TRUB2: variants seen among roughly 807,000 people sequenced by gnomAD.
TRUB2 encodes the protein pseudouridylate synthase TRUB2, mitochondrial.
In TRUB2, 31 loss-of-function variants were observed where a neutral mutation model predicts 31.9. The observed-to-expected ratio is 0.97, with a 90% CI of 0.73 to 1.31. TRUB2 has a LOEUF of 1.31. Ranked by LOEUF, TRUB2 falls within the 50% of genes most tolerant of loss-of-function variation. TRUB2 has a pLI of 0.00. For missense variants in TRUB2, 451 were observed against 439.6 expected (o/e 1.03, Z -0.23); for synonymous variants, 201 against 182.6 (o/e 1.10, Z -0.81).
chr9:128,312,758 G>A (rs866475439), intron 5 of TRUB2, among the ~76,000 whole-genome samples: 2 of 151,904 alleles, frequency 1.3e-5, no homozygotes, highest in Admixed American at 6.6e-5. Flanking sequence ...GGGACTACAG[G>A]TGCCTGCCAC....
intron 1 of TRUB2, 70 bp from the exon 2 acceptor site, chr9:128,321,800 G>T: frequency 1.3e-6 from 2 of 1,486,760 alleles, no homozygotes; most frequent in Non-Finnish European, 9.1e-7. Flanking sequence ...TTTTTTAAGA[G>T]ACAGGGCCTC....
rs1008606925 is a variant in TRUB2, at chr9:128,307,900, TAA to T, written c.*1648_*1649del. 2.0e-5 allele frequency: 3 copies of T among 151,386 alleles called. No individual in the cohort carries two copies. The highest frequency in any genetic ancestry group is 7.3e-5 in the African/African-American group (3 of 41,132). 9.4% of individuals were successfully genotyped at this position (151,386 alleles called of 1,614,324 possible). ...CTGGGTGACAGAGCAAGACCCTGTC[TAA>T]AAAACAAAAACAGGCCGGGTGTGGT... On this transcript the variant is annotated 3_prime_UTR_variant, in exon 8 of 8. Transcript: ENST00000372890.
intron 5 of TRUB2, among the ~76,000 whole-genome samples, chr9:128,312,617 T>TA (rs199888255): frequency 0.02 from 2,819 of 140,450 alleles, 45 homozygotes; most frequent in East Asian, 0.036. Context: ...TTATTATTAT[T>TA]TTTTTTTTTT....
rs1296675734 is a variant in TRUB2 at position 128,306,331 on chromosome 9, A to G, written c.*3219T>C. ...CATGTGCCCTACGTTCAAGTTACCT[A>G]ATTTTTCCAAAGAACTGAGTTTTGC... On this transcript the variant is annotated 3_prime_UTR_variant, in exon 8 of 8. Transcript: ENST00000372890. 1.3e-5 allele frequency: 2 copies of G among 151,642 alleles called. No individual in the cohort carries two copies. The highest frequency in any genetic ancestry group is 2.9e-5 in the Non-Finnish European group (2 of 67,960). 9.4% of individuals were successfully genotyped at this position (151,642 alleles called of 1,614,324 possible). A position where few individuals can be genotyped will look rare whatever the true frequency, so the allele number is the denominator to read the frequency against.
In TRUB2 at chr9:128,313,872, G is replaced by C. The variant is rs150373170; in HGVS notation, c.396C>G (p.Gly132=). Residue 132 remains glycine (G), a synonymous_variant, in exon 5 of 8, where the codon GGC becomes GGG. Coordinates refer to ENST00000372890, the MANE Select transcript of TRUB2 (RefSeq NM_015679.3). The stretch of plus-strand genomic sequence containing the variant: ...AGTCATCTGTAGCTTTGCCCAGGAG[G>C]CCACGCACTGTGTAATCCTTCAAGG... ...AHLTKDYTVR[G]LLGKATDDFR... 6.3e-5 allele frequency: 102 copies of C among 1,614,172 alleles called. No individual in the cohort carries two copies. Among genetic ancestry groups the C allele is most frequent in the Non-Finnish European group, 8.3e-5 (98 of 1,180,014 alleles).
intron 5 of TRUB2, among the ~76,000 whole-genome samples, chr9:128,312,838 TC>T (rs1831996860): frequency 6.6e-6 from 1 of 151,570 alleles, no homozygotes; most frequent in East Asian, 2.0e-4. Flanking sequence ...GGTCTCAAAC[TC>T]CTGACCTTGT....
rs1221501677 is a variant in TRUB2 at position 128,311,831 on chromosome 9, A to AT, written c.461-231dup. On this transcript the variant is annotated intron_variant, in intron 5 of 7. Transcript: ENST00000372890. ...CATGACTCAGCAGCAAGGGCACTCT[A>AT]TTTTTTTTTTTTTTTTTTTTTTGAG... 8.3e-3 allele frequency among the ~76,000 whole-genome samples: 983 copies of AT among 118,838 alleles called. 9 individuals carry two copies. The highest frequency in any genetic ancestry group is 0.017 in the East Asian group (69 of 4,150). 78.0% of individuals were successfully genotyped at this position (118,838 alleles called of 152,430 possible).
intron 6 of TRUB2, 136 bp downstream of exon 6, chr9:128,311,393 G>T: frequency 1.1e-6 from 1 of 921,888 alleles, no homozygotes; most frequent in East Asian, 2.6e-5. Flanking sequence ...TTAATGCCAA[G>T]AAAGAAACAG....
chr9:128,311,485 G>A, intron 6 of TRUB2, 44 bp downstream of exon 6: 4 of 1,600,146 alleles, frequency 2.5e-6, no homozygotes, highest in Non-Finnish European at 3.4e-6. Context: ...GGGAGCCAAG[G>A]GCACTTACTG....
chr9:128,311,350 G>A, intron 6 of TRUB2, 179 bp downstream of exon 6: 2 of 695,192 alleles, frequency 2.9e-6, no homozygotes, highest in Non-Finnish European at 4.8e-6. Flanking sequence ...CCTCCCGTTG[G>A]CCAACCCAAG....
At position 128,311,041 on chromosome 9, in the gene TRUB2, G is replaced by A. The variant is rs1286620418; in HGVS notation, c.534-18C>T. The A allele has an allele frequency of 6.2e-7, 1 of 1,601,996 alleles. No individual in the cohort carries two copies. The highest frequency in any genetic ancestry group is 1.1e-5 in the South Asian group (1 of 90,990). The stretch of plus-strand genomic sequence containing the variant: ...TGGAGTACCTGCAGATCAGGAAGGG[G>A]GCTGCAGCTGGGTGGCCCACCTACC... On this transcript the variant is annotated intron_variant, in intron 6 of 7. Transcript: ENST00000372890.
At chr9:128,318,530 T>TGTTTG (rs1307826939) in intron 2 of TRUB2, among the ~76,000 whole-genome samples, 2 of 151,532 alleles carry the variant, frequency 1.3e-5, no homozygotes, top group African/African-American at 4.8e-5. Context: ...TGTGTTTGCT[T>TGTTTG]GTTTTGTTTT....
chr9:128,319,097 C>A (rs1476478206), intron 2 of TRUB2, among the ~76,000 whole-genome samples: 4 of 151,682 alleles, frequency 2.6e-5, no homozygotes, highest in African/African-American at 9.7e-5. Flanking sequence ...GAGGCCGAGG[C>A]GGGTGGATCA....
intron 5 of TRUB2, 80 bp from the exon 6 acceptor site, chr9:128,311,681 C>T: frequency 1.4e-6 from 2 of 1,473,576 alleles, no homozygotes; most frequent in Non-Finnish European, 1.9e-6. Flanking sequence ...CCAGGCCAGC[C>T]CCATCCCTGG....
chr9:128,311,711 T>C, intron 5 of TRUB2, 110 bp from the exon 6 acceptor site: 8 of 1,180,374 alleles, frequency 6.8e-6, no homozygotes, highest in Non-Finnish European at 9.9e-6. Flanking sequence ...AGAGGATGTT[T>C]TGGAGGGATC....
Sources: allele counts gnomAD v4.1 joint callset (sites outside exome capture counted in the v4.1 genomes callset), GRCh38; gene constraint gnomAD v4.1.1; transcripts MANE v1.5; gene names NCBI Gene and HGNC (gene_info 2026-07-23, HGNC 2026-07-21).